Variants in SLC7A2 observed in about 807,000 individuals in gnomAD.
SLC7A2 encodes solute carrier family 7 member 2, also known as cationic amino acid transporter 2.
In SLC7A2, 48 loss-of-function variants were observed where a neutral mutation model predicts 58.9. That is an observed-to-expected ratio of 0.82 (90% CI 0.65 to 1.04). The LOEUF (loss-of-function observed/expected upper bound fraction) is 1.04. Among genes scored for constraint, SLC7A2 ranks in the 50% least tolerant of loss-of-function variants. SLC7A2 has a pLI of 0.00. For synonymous variants in SLC7A2, 363 were observed against 314.5 expected (o/e 1.15, Z -1.63); for missense variants, 1,029 against 818.8 (o/e 1.26, Z -3.13).
Position 17,568,325 on chromosome 8 carries a change from G to T in SLC7A2, c.*3179G>T, listed in dbSNP as rs1014362385. On this transcript the variant is annotated 3_prime_UTR_variant, in exon 13 of 13. Transcript: ENST00000494857. Reference sequence around the variant, plus strand: ...TTAAGAATAGAGCTATGCAAACTCTGTTAAAAACTATGAGGAAAACTTATA... The same window carrying T: ...TTAAGAATAGAGCTATGCAAACTCTTTTAAAAACTATGAGGAAAACTTATA... 7 of 152,072 alleles carry T rather than the reference G, an allele frequency of 4.6e-5. No homozygotes were observed. The East Asian group carries it at 1.4e-3, about 29-fold the overall frequency. The allele number at this position is 152,072 out of a possible 1,614,324, so 9.4% of individuals were successfully genotyped here.
chr8:17,560,402 T>C lies in SLC7A2; in HGVS notation c.1373T>C (p.Val458Ala). The C allele has an allele frequency of 6.2e-7, 1 of 1,614,108 alleles. No homozygotes were observed. Reference sequence around the variant, plus strand: ...GATGGTCTGGGATCGTCTCCCAGGGTAACCTCGAAGAGTGAGTCCCAGGTC... The same window carrying C: ...GATGGTCTGGGATCGTCTCCCAGGGCAACCTCGAAGAGTGAGTCCCAGGTC... ...EKDGLGSSPR[V>A]TSKSESQVTM... Residue 458 changes from valine to alanine, a missense_variant, in exon 10 of 13, where the codon GTA becomes GCA. Transcript: ENST00000494857.
chr8:17,503,909 C>G (rs769781198), intron 2 of SLC7A2, among the ~76,000 whole-genome samples: 12 of 152,082 alleles, frequency 7.9e-5, no homozygotes, highest in Admixed American at 3.3e-4. Flanking sequence ...CTGGGGAAAC[C>G]TAGAAGGAGC....
In SLC7A2 at chr8:17,551,867, T is replaced by C; in HGVS notation, c.936T>C (p.Leu312=). 1 of 1,613,962 alleles carries C rather than the reference T, an allele frequency of 6.2e-7. No homozygotes were observed. The highest frequency in any genetic ancestry group is 8.5e-7 in the Non-Finnish European group (1 of 1,179,970). The change falls in exon 7 of 13, where the codon CTT becomes CTC. Residue 312 remains leucine (L), a synonymous_variant. Transcript: ENST00000494857. The part of the protein sequence containing the change: ...AYFGVSAALT[L]MMPYYLLDEK... ...TTGGGGTCTCTGCAGCTTTAACACT[T>C]ATGATGCCGTACTACCTCCTCGATG...
intron 2 of SLC7A2, among the ~76,000 whole-genome samples, chr8:17,529,822 T>A (rs1801369211): frequency 6.6e-6 from 1 of 151,942 alleles, no homozygotes; most frequent in Admixed American, 6.6e-5. Context: ...CAGGTGTGAG[T>A]CACCACGCCT....
At chr8:17,504,965 G>T (rs1028736542) in intron 2 of SLC7A2, among the ~76,000 whole-genome samples, 1 of 152,112 alleles carries the variant, frequency 6.6e-6, no homozygotes, top group African/African-American at 2.4e-5. Context: ...TTACATTCGT[G>T]CCTCTGTGGG....
At chr8:17,518,450 G>A (rs2517237) in intron 2 of SLC7A2, among the ~76,000 whole-genome samples, 116,751 of 152,022 alleles carry the variant, frequency 0.77, 45,255 homozygotes, top group South Asian at 0.87. Flanking sequence ...ATTGGTAGGA[G>A]CTGCCTGTGC....
At position 17,550,297 on chromosome 8, in the gene SLC7A2, T is replaced by C; in HGVS notation, c.699-4T>C. 1 of 1,613,510 alleles carries C rather than the reference T, an allele frequency of 6.2e-7. No individual in the cohort carries two copies. On this transcript the variant is annotated splice_region_variant and splice_polypyrimidine_tract_variant and intron_variant, in intron 5 of 12. Transcript: ENST00000494857. ...CTTTCCAATGTGTTTGTTCTCTTTC[T>C]TAGAGAGCCACCTTCTGAAAACGGA... is the stretch of plus-strand genomic sequence containing the variant.
intron 2 of SLC7A2, among the ~76,000 whole-genome samples, chr8:17,533,323 A>G (rs1250209452): frequency 2.0e-5 from 3 of 152,260 alleles, no homozygotes; most frequent in Non-Finnish European, 4.4e-5. Flanking sequence ...TAGTTTCAAA[A>G]GTGACCATTT....
chr8:17,561,810 A>G, intron 10 of SLC7A2, 134 bp from the exon 11 acceptor site: 1 of 760,464 alleles, frequency 1.3e-6, no homozygotes, highest in Non-Finnish European at 2.1e-6. Flanking sequence ...AGAAAGGGCA[A>G]GGCGAAGACT....
intron 10 of SLC7A2, among the ~76,000 whole-genome samples, chr8:17,561,576 A>G (rs1342889276): frequency 6.6e-6 from 1 of 152,174 alleles, no homozygotes; most frequent in East Asian, 1.9e-4. Context: ...ACAGCTTAAA[A>G]TAACCAGATG....
chr8:17,524,085 A>G (rs911491323), intron 2 of SLC7A2, among the ~76,000 whole-genome samples: 6 of 152,222 alleles, frequency 3.9e-5, no homozygotes, highest in Non-Finnish European at 7.3e-5. Flanking sequence ...AATGGCCATA[A>G]TCAAGAAATC....
chr8:17,542,993 T>C (rs973840036), intron 2 of SLC7A2, among the ~76,000 whole-genome samples: 5 of 152,156 alleles, frequency 3.3e-5, no homozygotes, highest in Admixed American at 6.5e-5. Flanking sequence ...AATTATAATA[T>C]GCAAACAAGA....
chr8:17,546,311 T>G (rs1417290477), intron 4 of SLC7A2, among the ~76,000 whole-genome samples: 12 of 152,242 alleles, frequency 7.9e-5, no homozygotes, highest in Admixed American at 4.6e-4. Flanking sequence ...CCATCATATC[T>G]TTCCTTTAAT....
intron 2 of SLC7A2, among the ~76,000 whole-genome samples, chr8:17,540,288 A>G (rs1801855347): frequency 6.6e-6 from 1 of 152,148 alleles, no homozygotes; most frequent in African/African-American, 2.4e-5. Flanking sequence ...GGCTGTGCGT[A>G]GTTGAGATTG....
chr8:17,559,176 C>T (rs925438277), intron 9 of SLC7A2, among the ~76,000 whole-genome samples: 1 of 152,130 alleles, frequency 6.6e-6, no homozygotes, highest in South Asian at 2.1e-4. Context: ...AGAGGCTGCA[C>T]TGAAAAGCCT....
At chr8:17,515,356 C>G (rs13249384) in intron 2 of SLC7A2, among the ~76,000 whole-genome samples, 2 of 149,810 alleles carry the variant, frequency 1.3e-5, no homozygotes, top group African/African-American at 2.5e-5. Flanking sequence ...AGTGCAGTGT[C>G]GCAATCTCGG....
At chr8:17,514,446 A>G (rs1056223306) in intron 2 of SLC7A2, among the ~76,000 whole-genome samples, 2 of 152,326 alleles carry the variant, frequency 1.3e-5, no homozygotes, top group Middle Eastern at 3.4e-3. Context: ...ATGGCATATA[A>G]TGCAATATTT....
At chr8:17,538,923 G>A (rs1201844999) in intron 2 of SLC7A2, 1 of 1,612,288 alleles carries the variant, frequency 6.2e-7, no homozygotes, top group Non-Finnish European at 8.5e-7. Flanking sequence ...AGTTTCTCCT[G>A]TAAGATTTAT....
rs1353444587 is a variant in SLC7A2 at position 17,543,571 on chromosome 8, G to A, written c.232G>A (p.Ala78Thr). ...GGTGTCCTTCCTCATTGCTGCCCTGGCTTCAGTGATGGCTGGCCTCTGCTA... is the reference window on the plus strand; with the variant it reads ...GGTGTCCTTCCTCATTGCTGCCCTGACTTCAGTGATGGCTGGCCTCTGCTA... ...IVVSFLIAALASVMAGLCYAE... is the reference protein window; with the variant it reads ...IVVSFLIAALTSVMAGLCYAE... Residue 78 changes from alanine (A) to threonine (T), a missense_variant, in exon 3 of 13, where the codon GCT becomes ACT. Ala to Thr is a moderately conservative substitution (Grantham distance 58, BLOSUM62 0). Transcript: ENST00000494857. The A allele has an allele frequency of 1.9e-6, 3 of 1,611,242 alleles. No individual in the cohort carries two copies. Among genetic ancestry groups the A allele is most frequent in the African/African-American group, 2.7e-5 (2 of 74,878 alleles).
Sources: allele counts gnomAD v4.1 joint callset (sites outside exome capture counted in the v4.1 genomes callset), GRCh38; gene constraint gnomAD v4.1.1; transcripts MANE v1.5; gene names NCBI Gene and HGNC (gene_info 2026-07-23, HGNC 2026-07-21).